PKN2: variants seen among roughly 807,000 people sequenced by gnomAD.
PKN2 encodes protein kinase N2, also known as serine/threonine-protein kinase N2.
PKN2 carries 38 observed loss-of-function variants against 119.1 expected under a neutral mutation model. That is an observed-to-expected ratio of 0.32 (90% CI 0.25 to 0.42). PKN2 has a LOEUF of 0.42. PKN2 is among the 10% of genes least tolerant of loss of function. The pLI is 1.00. For synonymous variants in PKN2, 390 were observed against 384.9 expected (o/e 1.01, Z -0.15); for missense variants, 850 against 1,165.1 (o/e 0.73, Z 3.94).
chr1:88,759,213 A>G (rs1669343330), intron 2 of PKN2, among the ~76,000 whole-genome samples: 1 of 152,238 alleles, frequency 6.6e-6, no homozygotes, highest in South Asian at 2.1e-4. Context: ...AAATACAAAA[A>G]TTAGCCAGGC....
chr1:88,748,188 C>T (rs891516701), intron 2 of PKN2, among the ~76,000 whole-genome samples: 1 of 152,144 alleles, frequency 6.6e-6, no homozygotes, highest in African/African-American at 2.4e-5. Flanking sequence ...ACTGCCACCA[C>T]ATTCAGAAAA....
chr1:88,702,724 A>G (rs1666820973), intron 1 of PKN2, among the ~76,000 whole-genome samples: 1 of 152,238 alleles, frequency 6.6e-6, no homozygotes, highest in South Asian at 2.1e-4. Flanking sequence ...GGAGCTATAG[A>G]GAAAAGTAAA....
At chr1:88,719,773 A>G (rs776061918) in intron 1 of PKN2, among the ~76,000 whole-genome samples, 1 of 152,070 alleles carries the variant, frequency 6.6e-6, no homozygotes, top group Non-Finnish European at 1.5e-5. Context: ...CATCTTTTCA[A>G]CATTCTTATT....
chr1:88,742,040 A>G (rs1040281886), intron 2 of PKN2, among the ~76,000 whole-genome samples: 1 of 152,076 alleles, frequency 6.6e-6, no homozygotes, highest in African/African-American at 2.4e-5. Flanking sequence ...ATTTGTGCCA[A>G]TATTCACCCA....
intron 15 of PKN2, among the ~76,000 whole-genome samples, chr1:88,808,156 A>G (rs1671627506): frequency 6.6e-6 from 1 of 152,162 alleles, no homozygotes; most frequent in Non-Finnish European, 1.5e-5. Flanking sequence ...TCTACAGTTA[A>G]TGGAATGGTT....
At chr1:88,756,460 A>C (rs1398409448) in intron 2 of PKN2, among the ~76,000 whole-genome samples, 1 of 152,150 alleles carries the variant, frequency 6.6e-6, no homozygotes, top group Non-Finnish European at 1.5e-5. Context: ...TCATAGACAA[A>C]TATTTAAATG....
rs538327989 is a variant in PKN2 at position 88,723,153 on chromosome 1, G to T, written c.49-17835G>T. Among the ~76,000 whole-genome samples, 3 of 151,396 alleles carry T rather than the reference G, an allele frequency of 2.0e-5. No homozygotes were observed. In the East Asian group the frequency reaches 5.9e-4, roughly 30 times the overall value. On this transcript the variant is annotated intron_variant, in intron 1 of 21. Transcript: ENST00000370521. ...TTTTGAGACAGAGTCTGGCTCTGTCGCCCAGGCTGGAGTGCAGTGGCTCAA... is the reference window on the plus strand; with the variant it reads ...TTTTGAGACAGAGTCTGGCTCTGTCTCCCAGGCTGGAGTGCAGTGGCTCAA...
chr1:88,815,093 A>C (rs1671931832), intron 16 of PKN2, among the ~76,000 whole-genome samples: 1 of 152,236 alleles, frequency 6.6e-6, no homozygotes, highest in Non-Finnish European at 1.5e-5. Context: ...TCAATATTTA[A>C]GGCAGAGCAT....
intron 18 of PKN2, among the ~76,000 whole-genome samples, chr1:88,825,577 A>T (rs1327287849): frequency 6.6e-6 from 1 of 152,144 alleles, no homozygotes; most frequent in East Asian, 1.9e-4. Flanking sequence ...TATTCACAAA[A>T]TTCTACTGCC....
chr1:88,822,581 T>G (rs1373302052), intron 17 of PKN2, among the ~76,000 whole-genome samples: 1 of 146,048 alleles, frequency 6.8e-6, no homozygotes, highest in African/African-American at 2.5e-5. Flanking sequence ...TATTTAAGCT[T>G]TTTTTTTTTT....
At chr1:88,806,074 G>A in intron 12 of PKN2, 57 bp downstream of exon 12, 2 of 1,424,892 alleles carry the variant, frequency 1.4e-6, no homozygotes, top group East Asian at 4.6e-5. Context: ...AGCAATAAAA[G>A]CATCATAGTG....
intron 1 of PKN2, among the ~76,000 whole-genome samples, chr1:88,711,271 A>G (rs1667224373): frequency 6.6e-6 from 1 of 151,852 alleles, no homozygotes; most frequent in African/African-American, 2.4e-5. Context: ...ACAAACCTGC[A>G]CTTGTACCCT....
intron 1 of PKN2, among the ~76,000 whole-genome samples, chr1:88,700,666 C>T (rs10754253): frequency 0.97 from 147,748 of 152,268 alleles, 71,843 homozygotes; most frequent in Middle Eastern, 1. Flanking sequence ...AAAAGGACAG[C>T]TTCCCCTGTA....
In PKN2 at chr1:88,824,364, T is replaced by A; in HGVS notation, c.2397T>A (p.Ala799=). ...ATACAGAGGGCTTTGTGAAAATTGCTGATTTTGGTCTTTGCAAAGAAGGTA... is the reference window on the plus strand; with the variant it reads ...ATACAGAGGGCTTTGTGAAAATTGCAGATTTTGGTCTTTGCAAAGAAGGTA... ...LLDTEGFVKI[A]DFGLCKEGMG... The change falls in exon 18 of 22, where the codon GCT becomes GCA. Residue 799 remains alanine, a synonymous_variant. Coordinates refer to ENST00000370521, the MANE Select transcript of PKN2 (RefSeq NM_006256.4). 1 of 1,596,790 alleles carries A rather than the reference T, an allele frequency of 6.3e-7. No homozygotes were observed. Among genetic ancestry groups the A allele is most frequent in the Non-Finnish European group, 8.6e-7 (1 of 1,164,660 alleles).
At chr1:88,827,776 A>G (rs1489776187) in intron 18 of PKN2, among the ~76,000 whole-genome samples, 13 of 151,544 alleles carry the variant, frequency 8.6e-5, no homozygotes, top group Non-Finnish European at 1.5e-5. Flanking sequence ...CTGGAGTGCA[A>G]TGACACAATC....
chr1:88,807,222 C>A, intron 12 of PKN2, 91 bp from the exon 13 acceptor site: 1 of 955,686 alleles, frequency 1.0e-6, no homozygotes, highest in Non-Finnish European at 1.5e-6. Flanking sequence ...TTTATATTGA[C>A]TTTTGAAATG....
At chr1:88,829,499 C>G (rs1228127485) in intron 19 of PKN2, 1 of 181,150 alleles carries the variant, frequency 5.5e-6, no homozygotes, top group African/African-American at 2.4e-5. Flanking sequence ...TTTTTTCCTA[C>G]TGTTTTCTGT....
At chr1:88,780,942 A>G in intron 6 of PKN2, 1 of 283,602 alleles carries the variant, frequency 3.5e-6, no homozygotes, top group Non-Finnish European at 5.3e-6. Context: ...CCCTCCTTTC[A>G]GTTCCTTCTT....
At position 88,833,282 on chromosome 1, in the gene PKN2, A is replaced by G; in HGVS notation, c.2789A>G (p.Lys930Arg). The G allele has an allele frequency of 6.2e-7, 1 of 1,613,456 alleles. No homozygotes were observed. The highest frequency in any genetic ancestry group is 8.5e-7 in the Non-Finnish European group (1 of 1,179,528). Reference sequence around the variant, plus strand: ...AGCGCTCTGATGGACAAAAAAGTAAAGCCACCATTTATACCTACCATAAGA... The same window carrying G: ...AGCGCTCTGATGGACAAAAAAGTAAGGCCACCATTTATACCTACCATAAGA... ...DWSALMDKKV[K>R]PPFIPTIRGR... The change falls in exon 22 of 22, where the codon AAG becomes AGG. Residue 930 changes from lysine to arginine, a missense_variant. Coordinates refer to ENST00000370521, the MANE Select transcript of PKN2 (RefSeq NM_006256.4).
Sources: allele counts gnomAD v4.1 joint callset (sites outside exome capture counted in the v4.1 genomes callset), GRCh38; gene constraint gnomAD v4.1.1; transcripts MANE v1.5; gene names NCBI Gene and HGNC (gene_info 2026-07-23, HGNC 2026-07-21).